The following CSMD1 variants were observed in gnomAD, a reference collection of about 807,000 sequenced individuals.
CSMD1 encodes the protein CUB and sushi domain-containing protein 1.
Under a neutral mutation model 417.5 loss-of-function variants are expected in CSMD1, and 213 were observed. The ratio of observed to expected loss-of-function variants is 0.51; its 90% CI spans 0.46 to 0.57. The LOEUF (loss-of-function observed/expected upper bound fraction) is 0.57, where lower values mean the gene tolerates loss of function less well. Among genes scored for constraint, CSMD1 ranks in the 20% least tolerant of loss-of-function variants. The pLI is 0.00. For missense variants in CSMD1, 6,923 were observed against 4,529.7 expected (o/e 1.53, Z -15.17); for synonymous variants, 2,862 against 1,736.8 (o/e 1.65, Z -16.11).
chr8:4,420,839 T>G (rs931791374), intron 2 of CSMD1, among the ~76,000 whole-genome samples: 1 of 152,194 alleles, frequency 6.6e-6, no homozygotes, highest in African/African-American at 2.4e-5. Context: ...TTATTTTTTA[T>G]GTTATAAAAT....
chr8:4,148,133 G>A (rs146658154), intron 3 of CSMD1, among the ~76,000 whole-genome samples: 5 of 152,216 alleles, frequency 3.3e-5, no homozygotes, highest in African/African-American at 7.2e-5. Flanking sequence ...CATGCTCTGG[G>A]TGAAGCTCAA....
rs1585576320 is a variant in CSMD1, at chr8:3,181,362, G to C, written c.5621-148C>G. The C allele has an allele frequency of 3.5e-5, 22 of 631,388 alleles. No homozygotes were observed. In the East Asian group the frequency reaches 5.9e-4, roughly 17 times the overall value. The allele number at this position is 631,388 out of a possible 1,614,324, so 39.1% of individuals were successfully genotyped here. On this transcript the variant is annotated intron_variant, in intron 36 of 69. Coordinates refer to ENST00000635120, the MANE Select transcript of CSMD1 (RefSeq NM_033225.6). ...TTAATCTGAGTGTTGGTTTTATTATGTATTCAGCCATTCTATTTTTCTAGG... is the reference window on the plus strand; with the variant it reads ...TTAATCTGAGTGTTGGTTTTATTATCTATTCAGCCATTCTATTTTTCTAGG...
Position 4,268,009 on chromosome 8 carries a change from G to A in CSMD1, c.415+151944C>T, listed in dbSNP as rs62481984. 5.3e-3 allele frequency among the ~76,000 whole-genome samples: 803 copies of A among 152,110 alleles called. 14 individuals carry two copies. In the South Asian group the frequency reaches 0.056, roughly 11 times the overall value. ...GTGAGATGGTGGAGGGGAGCAGATA[G>A]GAATAAGACATATATACGAGGTCAT... On this transcript the variant is annotated intron_variant, in intron 3 of 69. Transcript: ENST00000635120.
At position 4,468,712 on chromosome 8, in the gene CSMD1, A is replaced by C. The variant is rs542064670; in HGVS notation, c.303-48647T>G. Among the ~76,000 whole-genome samples the C allele has an allele frequency of 2.6e-5, 4 of 152,314 alleles. No homozygotes were observed. The South Asian group carries it at 8.3e-4, about 32-fold the overall frequency. ...ATAACAAGAGTGTTTAGCATAATTC[A>C]AAAACATTGCTTAGGGAGAGCCTAC... On this transcript the variant is annotated intron_variant, in intron 2 of 69. Coordinates refer to ENST00000635120, the MANE Select transcript of CSMD1 (RefSeq NM_033225.6).
chr8:3,089,768 A>G (rs1249958438), intron 48 of CSMD1, among the ~76,000 whole-genome samples: 6 of 144,396 alleles, frequency 4.2e-5, no homozygotes, highest in Non-Finnish European at 7.6e-5. Context: ...CTCTCTCTCC[A>G]CTTAAACAAC....
chr8:4,610,786 T>C (rs1435708996), intron 2 of CSMD1, among the ~76,000 whole-genome samples: 4 of 152,206 alleles, frequency 2.6e-5, no homozygotes, highest in East Asian at 3.9e-4. Flanking sequence ...TGGTTGATAT[T>C]GCCTTTCACA....
intron 37 of CSMD1, among the ~76,000 whole-genome samples, chr8:3,175,302 C>T (rs185743789): frequency 6.6e-6 from 1 of 152,114 alleles, no homozygotes; most frequent in African/African-American, 2.4e-5. Context: ...CTTCCAATTA[C>T]CTCTTTTTTC....
chr8:3,738,348 G>A (rs1228323166), intron 6 of CSMD1, among the ~76,000 whole-genome samples: 1 of 152,158 alleles, frequency 6.6e-6, no homozygotes, highest in African/African-American at 2.4e-5. Context: ...ATGCATACAG[G>A]CATTGGGGCC....
At chr8:3,511,474 G>A (rs1403107309) in intron 10 of CSMD1, among the ~76,000 whole-genome samples, 1 of 151,740 alleles carries the variant, frequency 6.6e-6, no homozygotes, top group Non-Finnish European at 1.5e-5. Flanking sequence ...TCTGTGGCCA[G>A]CCAGGCACGT....
intron 1 of CSMD1, among the ~76,000 whole-genome samples, chr8:4,856,629 A>C (rs1469091261): frequency 1.4e-5 from 2 of 146,906 alleles, no homozygotes; most frequent in Non-Finnish European, 3.0e-5. Context: ...GTCTCTGATA[A>C]AACAGACTTT....
chr8:4,592,109 G>A (rs903566570), intron 2 of CSMD1, among the ~76,000 whole-genome samples: 4 of 151,930 alleles, frequency 2.6e-5, no homozygotes, highest in African/African-American at 4.8e-5. Flanking sequence ...TTTAACGAGC[G>A]GCTTTGCTGG....
intron 3 of CSMD1, among the ~76,000 whole-genome samples, chr8:4,055,248 T>G (rs1798632227): frequency 6.6e-6 from 1 of 152,198 alleles, no homozygotes; most frequent in African/African-American, 2.4e-5. Flanking sequence ...ATTACTTGCC[T>G]CAAATGAATT....
chr8:3,928,255 T>C (rs979961794), intron 5 of CSMD1, among the ~76,000 whole-genome samples: 1 of 152,264 alleles, frequency 6.6e-6, no homozygotes, highest in Non-Finnish European at 1.5e-5. Flanking sequence ...TACAGCCTCA[T>C]AATTACATAT....
chr8:3,683,056 G>T (rs1251248261), intron 7 of CSMD1, among the ~76,000 whole-genome samples: 1 of 151,998 alleles, frequency 6.6e-6, no homozygotes, highest in Non-Finnish European at 1.5e-5. Flanking sequence ...TGGGGTGGGG[G>T]TAGAGGGAAG....
chr8:3,858,469 T>A (rs147834564), intron 5 of CSMD1, among the ~76,000 whole-genome samples: 125 of 152,292 alleles, frequency 8.2e-4, no homozygotes, highest in African/African-American at 2.9e-3. Context: ...TACTACTCTA[T>A]CTTTAGATAA....
At chr8:3,542,128 C>A (rs1798466697) in intron 10 of CSMD1, among the ~76,000 whole-genome samples, 1 of 152,162 alleles carries the variant, frequency 6.6e-6, no homozygotes, top group African/African-American at 2.4e-5. Context: ...TCTTTTATTT[C>A]CTATGGAAAT....
chr8:4,367,140 A>G (rs10097686), intron 3 of CSMD1, among the ~76,000 whole-genome samples: 97,036 of 151,968 alleles, frequency 0.64, 31,064 homozygotes, highest in African/African-American at 0.7. Flanking sequence ...TCAGAATGGT[A>G]TTTCTTAGGT....
At chr8:4,413,805 G>C (rs1796781779) in intron 3 of CSMD1, among the ~76,000 whole-genome samples, 1 of 152,142 alleles carries the variant, frequency 6.6e-6, no homozygotes, top group Admixed American at 6.5e-5. Flanking sequence ...ACTAAGCCTA[G>C]AGATAACTAA....
At chr8:4,683,773 A>C (rs577432983) in intron 1 of CSMD1, among the ~76,000 whole-genome samples, 45 of 152,310 alleles carry the variant, frequency 3.0e-4, no homozygotes, top group Admixed American at 1.4e-3. Context: ...CATCTATGAA[A>C]CTTTTCTAGG....
Sources: gnomAD v4.1 joint callset for allele counts (sites outside exome capture counted in the v4.1 genomes callset) on GRCh38, gnomAD v4.1.1 for gene constraint, MANE v1.5 for transcripts, NCBI Gene and HGNC (gene_info 2026-07-23, HGNC 2026-07-21) for gene names.